Variants in CHD9 observed in about 807,000 individuals in gnomAD.
The protein encoded by CHD9 is ATP-dependent chromatin remodeler CHD9.
A neutral mutation model predicts 316.1 loss-of-function variants in CHD9; 77 were observed. That is an observed-to-expected ratio of 0.24 (90% CI 0.20 to 0.29). The LOEUF (loss-of-function observed/expected upper bound fraction) is 0.29. CHD9 is among the 10% of genes least tolerant of loss of function. CHD9 has a pLI of 1.00. For missense variants in CHD9, 2,763 were observed against 3,438.1 expected (o/e 0.80, Z 4.91); for synonymous variants, 1,129 against 1,158.3 (o/e 0.97, Z 0.51).
At chr16:53,061,247 C>CA (rs1048464680) in intron 1 of CHD9, among the ~76,000 whole-genome samples, 13 of 151,980 alleles carry the variant, frequency 8.6e-5, no homozygotes, top group East Asian at 7.7e-4. Context: ...CTCTTTAAAA[C>CA]AAAAAAACAA....
Position 53,156,550 on chromosome 16 carries a change from A to G in CHD9, c.461A>G (p.Lys154Arg), listed in dbSNP as rs1363702401. ...CATTCACACTCTATGCATCAAAATAAAAGCTTTGTGGCACACCATGACTTT... is the reference window on the plus strand; with the variant it reads ...CATTCACACTCTATGCATCAAAATAGAAGCTTTGTGGCACACCATGACTTT... ...QGHSHSMHQNKSFVAHHDFAL... is the reference protein window; with the variant it reads ...QGHSHSMHQNRSFVAHHDFAL... The change falls in exon 2 of 39, where the codon AAA (lysine) becomes AGA (arginine). Residue 154 changes from lysine to arginine, a missense_variant. Transcript: ENST00000447540. 2 of 1,614,012 alleles carry G rather than the reference A, an allele frequency of 1.2e-6. No individual in the cohort carries two copies. Among genetic ancestry groups the G allele is most frequent in the Non-Finnish European group, 8.5e-7 (1 of 1,179,896 alleles).
intron 33 of CHD9, among the ~76,000 whole-genome samples, chr16:53,308,359 A>G (rs1423330660): frequency 6.6e-6 from 1 of 152,204 alleles, no homozygotes; most frequent in Non-Finnish European, 1.5e-5. Flanking sequence ...AACATAGTTA[A>G]TGTCCTCCAA....
intron 31 of CHD9, among the ~76,000 whole-genome samples, chr16:53,305,688 CTGCAGGA>C (rs2055898704): frequency 6.6e-6 from 1 of 152,170 alleles, no homozygotes; most frequent in Non-Finnish European, 1.5e-5. Context: ...TGGTCCCCTT[CTGCAGGA>C]ACCCTTGCAG....
At chr16:53,114,340 C>T (rs2038106097) in intron 1 of CHD9, among the ~76,000 whole-genome samples, 1 of 152,024 alleles carries the variant, frequency 6.6e-6, no homozygotes, top group Non-Finnish European at 1.5e-5. Flanking sequence ...TCACTGCAAC[C>T]TCTGCCTCCC....
chr16:53,129,251 T>C (rs941735428), intron 1 of CHD9, among the ~76,000 whole-genome samples: 2 of 152,236 alleles, frequency 1.3e-5, no homozygotes, highest in Non-Finnish European at 2.9e-5. Flanking sequence ...GATGTCATTC[T>C]GCTGTGATGT....
chr16:53,164,713 G>T (rs531523903), intron 2 of CHD9, among the ~76,000 whole-genome samples: 1 of 152,024 alleles, frequency 6.6e-6, no homozygotes, highest in African/African-American at 2.4e-5. Flanking sequence ...GAATGTAGTG[G>T]TGCAATCTCA....
At chr16:53,131,579 C>T (rs1196687740) in intron 1 of CHD9, among the ~76,000 whole-genome samples, 3 of 151,600 alleles carry the variant, frequency 2.0e-5, no homozygotes, top group Non-Finnish European at 4.4e-5. Flanking sequence ...GCGCCTGTTG[C>T]GTCGTGTGGA....
chr16:53,231,427 A>G lies in CHD9; in HGVS notation c.2295A>G (p.Glu765=). Residue 765 remains glutamate, a synonymous_variant, in exon 9 of 39, where the codon GAA becomes GAG. Transcript: ENST00000447540. Reference sequence around the variant, plus strand: ...TTACCTTTTAATTTTAGATGGAAGAAGAACCATTTAACCCAGACTACGTTG... The same window carrying G: ...TTACCTTTTAATTTTAGATGGAAGAGGAACCATTTAACCCAGACTACGTTG... ...QRAHFFADME[E]EPFNPDYVEV... 1 of 1,579,702 alleles carries G rather than the reference A, an allele frequency of 6.3e-7. No homozygotes were observed.
intron 2 of CHD9, among the ~76,000 whole-genome samples, chr16:53,202,257 C>G (rs1460424106): frequency 6.6e-6 from 1 of 152,142 alleles, no homozygotes; most frequent in East Asian, 1.9e-4. Flanking sequence ...GTCAGGGTTT[C>G]TATTTCTCCA....
At chr16:53,142,628 C>A (rs1372230921) in intron 1 of CHD9, among the ~76,000 whole-genome samples, 1 of 152,208 alleles carries the variant, frequency 6.6e-6, no homozygotes, top group Non-Finnish European at 1.5e-5. Context: ...GTTTTAAGAA[C>A]CACTCAAGGT....
At chr16:53,276,715 T>C (rs1357189249) in intron 24 of CHD9, among the ~76,000 whole-genome samples, 1 of 152,162 alleles carries the variant, frequency 6.6e-6, no homozygotes, top group African/African-American at 2.4e-5. Context: ...CTCTCTTTAC[T>C]ACATCATTCT....
intron 1 of CHD9, among the ~76,000 whole-genome samples, chr16:53,064,948 G>A (rs142675220): frequency 0.013 from 1,967 of 151,886 alleles, 33 homozygotes; most frequent in Non-Finnish European, 0.02. Context: ...CAGCCTGGGC[G>A]ACAGAGCAAG....
intron 27 of CHD9, among the ~76,000 whole-genome samples, chr16:53,291,055 A>G (rs1821235644): frequency 6.6e-6 from 1 of 152,180 alleles, no homozygotes; most frequent in Non-Finnish European, 1.5e-5. Context: ...AAATAAAACT[A>G]AGTCCACTCC....
intron 34 of CHD9, among the ~76,000 whole-genome samples, chr16:53,309,077 T>C (rs1215528354): frequency 6.6e-6 from 1 of 152,216 alleles, no homozygotes; most frequent in African/African-American, 2.4e-5. Flanking sequence ...CCTAGAGTAG[T>C]TGTGTGGGAA....
At chr16:53,214,742 A>G (rs2047189882) in intron 3 of CHD9, among the ~76,000 whole-genome samples, 1 of 152,186 alleles carries the variant, frequency 6.6e-6, no homozygotes, top group South Asian at 2.1e-4. Flanking sequence ...TTTATCATTG[A>G]CAAATAGATG....
intron 1 of CHD9, among the ~76,000 whole-genome samples, chr16:53,142,795 A>G (rs911156652): frequency 6.6e-6 from 1 of 152,198 alleles, no homozygotes; most frequent in Non-Finnish European, 1.5e-5. Context: ...AGTCCATTTT[A>G]TGTTGCTATA....
intron 16 of CHD9, 197 bp downstream of exon 16, chr16:53,247,700 G>A: frequency 2.1e-6 from 1 of 475,466 alleles, no homozygotes. Flanking sequence ...TATTAGATGT[G>A]CCTGAGGAGT....
chr16:53,095,318 G>A (rs1371766545), intron 1 of CHD9, among the ~76,000 whole-genome samples: 1 of 152,194 alleles, frequency 6.6e-6, no homozygotes, highest in Non-Finnish European at 1.5e-5. Flanking sequence ...GGGGGAGGCA[G>A]GAGGATCACT....
chr16:53,185,691 T>G (rs2043936192), intron 2 of CHD9, among the ~76,000 whole-genome samples: 1 of 152,232 alleles, frequency 6.6e-6, no homozygotes, highest in Non-Finnish European at 1.5e-5. Flanking sequence ...AAATGTTTTC[T>G]TGGGCTGGGT....
Sources: allele counts gnomAD v4.1 joint callset (sites outside exome capture counted in the v4.1 genomes callset), GRCh38; gene constraint gnomAD v4.1.1; transcripts MANE v1.5; gene names NCBI Gene and HGNC (gene_info 2026-07-23, HGNC 2026-07-21).